The following CUL3 variants were observed in gnomAD, a reference collection of about 807,000 sequenced individuals.
The protein encoded by CUL3 is cullin 3.
Under a neutral mutation model 89.1 loss-of-function variants are expected in CUL3, and 19 were observed. The ratio of observed to expected loss-of-function variants is 0.21; its 90% confidence interval spans 0.15 to 0.31. The LOEUF (loss-of-function observed/expected upper bound fraction) is 0.31, where lower values mean the gene tolerates loss of function less well. CUL3 is among the 10% of genes least tolerant of loss of function. The probability of loss-of-function intolerance (pLI) is 1.00; values close to 1 mark genes in which losing one functional copy is unlikely to be tolerated. For synonymous variants in CUL3, 351 were observed against 308.4 expected, an observed-to-expected ratio of 1.14 and a Z score of -1.45; for missense variants, 469 against 942.3, an observed-to-expected ratio of 0.50 and a Z score of 6.58.
intron 14 of CUL3, among the ~76,000 whole-genome samples, 177 bp downstream of exon 14, chr2:224,481,715 G>A (rs1691545577): frequency 6.6e-6 from 1 of 151,902 alleles, no homozygotes; most frequent in Admixed American, 6.6e-5. Flanking sequence ...TACTGTACTT[G>A]GATTCAAATG....
At chr2:224,518,347 A>G (rs1559164524) in intron 3 of CUL3, among the ~76,000 whole-genome samples, 1 of 152,204 alleles carries the variant, frequency 6.6e-6, no homozygotes. Flanking sequence ...TTGCATGGAT[A>G]CACCACATTT....
intron 9 of CUL3, 114 bp from the exon 10 acceptor site, chr2:224,503,186 A>G (rs941733294): frequency 2.6e-6 from 2 of 759,822 alleles, no homozygotes; most frequent in African/African-American, 3.5e-5. Context: ...CTTCCTGTAA[A>G]TTTTTCCAAC....
intron 10 of CUL3, among the ~76,000 whole-genome samples, chr2:224,501,118 G>A (rs1692371071): frequency 6.6e-6 from 1 of 152,148 alleles, no homozygotes; most frequent in Non-Finnish European, 1.5e-5. Context: ...AAAGGTCAAG[G>A]AGGGTCAATT....
At chr2:224,547,404 C>A (rs1694345445) in intron 2 of CUL3, among the ~76,000 whole-genome samples, 1 of 152,126 alleles carries the variant, frequency 6.6e-6, no homozygotes, top group Non-Finnish European at 1.5e-5. Flanking sequence ...AACTTTCTCT[C>A]CTTGTTATCT....
In CUL3 at chr2:224,513,593, G is replaced by C. The variant is rs17408300; in HGVS notation, c.585C>G (p.Leu195=). Reference sequence around the variant, plus strand: ...CTTCTTCATAGACTGATCTTCCTTCGAGACCTAAAATCATTAACATCTGGC... The same window carrying C: ...CTTCTTCATAGACTGATCTTCCTTCCAGACCTAAAATCATTAACATCTGGC... ...NACQMLMILG[L]EGRSVYEEDF... The change falls in exon 5 of 16, where the codon CTC becomes CTG. Residue 195 remains leucine, a synonymous_variant. Coordinates refer to ENST00000264414, the MANE Select transcript of CUL3 (RefSeq NM_003590.5). 31 of 1,602,488 alleles carry C rather than the reference G, an allele frequency of 1.9e-5. No individual in the cohort carries two copies. The highest frequency in any genetic ancestry group is 2.6e-5 in the Non-Finnish European group (31 of 1,177,080).
At chr2:224,576,443 G>C (rs1158022498) in intron 1 of CUL3, among the ~76,000 whole-genome samples, 2 of 152,110 alleles carry the variant, frequency 1.3e-5, no homozygotes, top group East Asian at 3.9e-4. Context: ...GATCTTTAAC[G>C]ACCCTCTACT....
intron 14 of CUL3, 56 bp from the exon 15 acceptor site, chr2:224,478,401 A>G (rs2106143940): frequency 6.5e-7 from 1 of 1,549,484 alleles, no homozygotes; most frequent in Non-Finnish European, 8.7e-7. Context: ...TTGGTTTATA[A>G]GCAAGCTTAT....
chr2:224,532,102 T>G (rs1490936297), intron 3 of CUL3, among the ~76,000 whole-genome samples: 1 of 152,210 alleles, frequency 6.6e-6, no homozygotes, highest in Admixed American at 6.5e-5. Flanking sequence ...CATTTGGACA[T>G]GCCAAGTTTG....
chr2:224,533,961 CA>C (rs1266981552), intron 3 of CUL3, among the ~76,000 whole-genome samples: 1 of 152,096 alleles, frequency 6.6e-6, no homozygotes, highest in Non-Finnish European at 1.5e-5. Flanking sequence ...AAATTCTTCC[CA>C]AACATTGCTT....
chr2:224,490,787 C>G (rs1265112538), intron 13 of CUL3, among the ~76,000 whole-genome samples: 1 of 151,342 alleles, frequency 6.6e-6, no homozygotes, highest in East Asian at 1.9e-4. Flanking sequence ...CCCTTTTGTT[C>G]AAATGAGCTG....
intron 1 of CUL3, among the ~76,000 whole-genome samples, chr2:224,581,122 C>T (rs1695426768): frequency 1.3e-5 from 2 of 152,106 alleles, no homozygotes; most frequent in Admixed American, 1.3e-4. Flanking sequence ...ATTGGCCGGG[C>T]GTGGCGGCTC....
intron 3 of CUL3, among the ~76,000 whole-genome samples, chr2:224,518,999 G>C (rs1416106585): frequency 6.6e-6 from 1 of 152,222 alleles, no homozygotes; most frequent in African/African-American, 2.4e-5. Flanking sequence ...GCTGTGTATA[G>C]AGGAAAATGA....
At chr2:224,475,415 C>G (rs1691281415) in intron 15 of CUL3, among the ~76,000 whole-genome samples, 2 of 152,198 alleles carry the variant, frequency 1.3e-5, no homozygotes, top group South Asian at 4.1e-4. Context: ...TAGTAAATAA[C>G]AGAGCCAACA....
intron 1 of CUL3, among the ~76,000 whole-genome samples, chr2:224,565,059 TGA>T (rs914419822): frequency 2.6e-5 from 4 of 152,158 alleles, no homozygotes; most frequent in Admixed American, 6.5e-5. Flanking sequence ...CTGAACCATG[TGA>T]GAGTTAGGAA....
At chr2:224,534,749 G>A (rs894592540) in intron 3 of CUL3, among the ~76,000 whole-genome samples, 14 of 152,032 alleles carry the variant, frequency 9.2e-5, no homozygotes, top group African/African-American at 3.4e-4. Context: ...TTGGGAGGCC[G>A]AGGTGGGCAG....
At chr2:224,522,366 A>C (rs925122353) in intron 3 of CUL3, among the ~76,000 whole-genome samples, 9 of 152,194 alleles carry the variant, frequency 5.9e-5, no homozygotes, top group African/African-American at 2.2e-4. Context: ...GAACTTTCTC[A>C]ATACTTTCCA....
intron 3 of CUL3, among the ~76,000 whole-genome samples, chr2:224,517,214 T>C (rs1029399287): frequency 6.6e-5 from 10 of 152,190 alleles, no homozygotes; most frequent in Non-Finnish European, 1.0e-4. Flanking sequence ...TTAACCAATG[T>C]GATCAAAAAC....
At chr2:224,521,796 G>GA (rs77368933) in intron 3 of CUL3, among the ~76,000 whole-genome samples, 51 of 140,540 alleles carry the variant, frequency 3.6e-4, no homozygotes, top group South Asian at 4.5e-4. Context: ...ATTTATTTAG[G>GA]AAAAAAAAAA....
intron 1 of CUL3, among the ~76,000 whole-genome samples, chr2:224,579,581 G>A (rs944219235): frequency 3.9e-5 from 6 of 152,062 alleles, no homozygotes; most frequent in Non-Finnish European, 8.8e-5. Flanking sequence ...TCACTAATGT[G>A]AGTCGCCCTG....
Sources: gnomAD v4.1 joint callset for allele counts (sites outside exome capture counted in the v4.1 genomes callset) on GRCh38, gnomAD v4.1.1 for gene constraint, MANE v1.5 for transcripts, NCBI Gene and HGNC (gene_info 2026-07-23, HGNC 2026-07-21) for gene names.